GPR158: variants seen among roughly 807,000 people sequenced by gnomAD.
The protein encoded by GPR158 is metabotropic glycine receptor.
GPR158 carries 30 observed loss-of-function variants against 78.2 expected under a neutral mutation model. The ratio of observed to expected loss-of-function variants is 0.38; its 90% CI spans 0.29 to 0.52. The LOEUF (loss-of-function observed/expected upper bound fraction) is 0.52, where lower values mean the gene tolerates loss of function less well. Among genes scored for constraint, GPR158 ranks in the 20% least tolerant of loss-of-function variants. GPR158 has a pLI of 0.83. For synonymous variants in GPR158, 581 were observed against 591.1 expected, an observed-to-expected ratio of 0.98 and a Z score of 0.25; for missense variants, 1,463 against 1,523.5, an observed-to-expected ratio of 0.96 and a Z score of 0.66.
chr10:25,188,578 A>G (rs1429273562), intron 1 of GPR158, among the ~76,000 whole-genome samples: 1 of 152,248 alleles, frequency 6.6e-6, no homozygotes, highest in Non-Finnish European at 1.5e-5. Flanking sequence ...CTGGCTAGCC[A>G]TACATAGAAA....
chr10:25,379,770 G>A (rs1773624), intron 2 of GPR158, among the ~76,000 whole-genome samples: 2 of 151,032 alleles, frequency 1.3e-5, no homozygotes, highest in African/African-American at 4.9e-5. Context: ...CAAAACTTAG[G>A]TGGCATCTCT....
chr10:25,272,572 C>A (rs1854131497), intron 2 of GPR158, among the ~76,000 whole-genome samples: 1 of 152,132 alleles, frequency 6.6e-6, no homozygotes, highest in African/African-American at 2.4e-5. Context: ...GAAATGTCAG[C>A]TTTCTATTTT....
chr10:25,380,145 T>G (rs925786413), intron 2 of GPR158, among the ~76,000 whole-genome samples: 9 of 152,112 alleles, frequency 5.9e-5, no homozygotes, highest in Admixed American at 1.3e-4. Flanking sequence ...TGTGCTAGGA[T>G]TTGGGAACAT....
intron 2 of GPR158, among the ~76,000 whole-genome samples, chr10:25,236,487 G>C (rs1428346625): frequency 1.3e-5 from 2 of 152,100 alleles, no homozygotes; most frequent in Non-Finnish European, 2.9e-5. Context: ...CAGCCTGGGC[G>C]ACAGAGCGAG....
intron 6 of GPR158, among the ~76,000 whole-genome samples, chr10:25,560,564 C>G (rs187307929): frequency 1.2e-4 from 19 of 152,160 alleles, no homozygotes; most frequent in Non-Finnish European, 2.2e-4. Context: ...TGCGCCCATC[C>G]TAAAATATTG....
In GPR158 at chr10:25,490,345, GGTTA is replaced by G. The variant is rs1024069354; in HGVS notation, c.1404+23631_1404+23634del. Among the ~76,000 whole-genome samples the G allele has an allele frequency of 9.5e-5, 14 of 147,736 alleles. 1 individual carries two copies. Among genetic ancestry groups the G allele is most frequent in the African/African-American group, 3.5e-4 (14 of 39,806 alleles). On this transcript the variant is annotated intron_variant, in intron 5 of 10. Coordinates refer to ENST00000376351, the MANE Select transcript of GPR158 (RefSeq NM_020752.3). ...TTAGGGTACATGTGCACATTGTGCA[GGTTA>G]GTTACATATGTATACATGTGCCATG...
At position 25,543,155 on chromosome 10, in the gene GPR158, C is replaced by T. The variant is rs149521824; in HGVS notation, c.1405-7821C>T. Among the ~76,000 whole-genome samples, 79 of 152,242 alleles carry T rather than the reference C, an allele frequency of 5.2e-4. 2 individuals are homozygous for T. In the East Asian group the frequency reaches 0.012, roughly 23 times the overall value. On this transcript the variant is annotated intron_variant, in intron 5 of 10. Transcript: ENST00000376351. The stretch of plus-strand genomic sequence containing the variant: ...TTATTTTTTGAGATGGAATCTCACT[C>T]TGTCACCCAGGCTGGAGTGCAGTGG...
intron 2 of GPR158, among the ~76,000 whole-genome samples, chr10:25,238,055 T>TTTCTCTC (rs1853550453): frequency 6.6e-6 from 1 of 151,630 alleles, no homozygotes; most frequent in African/African-American, 2.4e-5. Flanking sequence ...GTCTTTCTTT[T>TTTCTCTC]CTTTTCTCTC....
chr10:25,513,332 T>C (rs1356067034), intron 5 of GPR158, among the ~76,000 whole-genome samples: 1 of 152,004 alleles, frequency 6.6e-6, no homozygotes, highest in Non-Finnish European at 1.5e-5. Context: ...GCATTCATAG[T>C]AGCCTTGAAT....
At position 25,306,092 on chromosome 10, in the gene GPR158, AACTT is replaced by A. The variant is rs35958679; in HGVS notation, c.1008+84940_1008+84943del. ...ATTTAGTGTACAGTTGTTGGCTCCCAACTTACTTTCTTTGTTCCCTGTTTTTCTC... is the reference window on the plus strand; with the variant it reads ...ATTTAGTGTACAGTTGTTGGCTCCCAACTTTCTTTGTTCCCTGTTTTTCTC... On this transcript the variant is annotated intron_variant, in intron 2 of 10. Coordinates refer to ENST00000376351, the MANE Select transcript of GPR158 (RefSeq NM_020752.3). Among the ~76,000 whole-genome samples, 566 of 152,182 alleles carry A rather than the reference AACTT, an allele frequency of 3.7e-3. 1 individual carries two copies. Among genetic ancestry groups the A allele is most frequent in the Middle Eastern group, 0.031 (9 of 294 alleles).
chr10:25,423,167 G>A (rs1834777162), intron 4 of GPR158, among the ~76,000 whole-genome samples: 1 of 148,516 alleles, frequency 6.7e-6, no homozygotes, highest in African/African-American at 2.5e-5. Flanking sequence ...GTATATATGT[G>A]TGTATATATG....
Position 25,403,038 on chromosome 10 carries a change from A to C in GPR158, c.1111+7025A>C, listed in dbSNP as rs537574218. ...TCTCTTCAGTTTATAGTTTGTAGGC[A>C]AATGTCTGTATATATCATCTTTCTA... On this transcript the variant is annotated intron_variant, in intron 3 of 10. Coordinates refer to ENST00000376351, the MANE Select transcript of GPR158 (RefSeq NM_020752.3). Among the ~76,000 whole-genome samples the C allele has an allele frequency of 5.9e-5, 9 of 151,890 alleles. No homozygotes were observed. In the South Asian group the frequency reaches 1.5e-3, roughly 24 times the overall value.
intron 2 of GPR158, among the ~76,000 whole-genome samples, chr10:25,392,300 T>A (rs1834309962): frequency 6.6e-6 from 1 of 152,178 alleles, no homozygotes; most frequent in Non-Finnish European, 1.5e-5. Context: ...GCACACAGTG[T>A]GTGGACCCCA....
chr10:25,463,730 C>A (rs1835387509), intron 4 of GPR158, among the ~76,000 whole-genome samples: 1 of 152,034 alleles, frequency 6.6e-6, no homozygotes, highest in African/African-American at 2.4e-5. Flanking sequence ...CCCCCATACA[C>A]ACTTAGTGTC....
intron 2 of GPR158, among the ~76,000 whole-genome samples, chr10:25,315,102 A>G (rs1042769490): frequency 2.0e-5 from 3 of 152,024 alleles, no homozygotes; most frequent in East Asian, 3.8e-4. Context: ...AGTGAGTTAT[A>G]TAGCTCATGA....
chr10:25,553,190 G>T (rs911202692), intron 6 of GPR158, among the ~76,000 whole-genome samples: 1 of 152,098 alleles, frequency 6.6e-6, no homozygotes, highest in African/African-American at 2.4e-5. Context: ...TTGACTTAAA[G>T]AAATTATTAG....
At chr10:25,523,724 A>G (rs1298731203) in intron 5 of GPR158, among the ~76,000 whole-genome samples, 1 of 152,232 alleles carries the variant, frequency 6.6e-6, no homozygotes, top group Non-Finnish European at 1.5e-5. Flanking sequence ...AACTAGACCT[A>G]GCAGACATCT....
chr10:25,341,070 CA>C (rs2130506305), intron 2 of GPR158, among the ~76,000 whole-genome samples: 1 of 151,766 alleles, frequency 6.6e-6, no homozygotes, highest in African/African-American at 2.4e-5. Flanking sequence ...TTCAAAATGC[CA>C]AAAGAAAATA....
At chr10:25,567,250 G>A (rs764724198) in intron 6 of GPR158, among the ~76,000 whole-genome samples, 15 of 152,188 alleles carry the variant, frequency 9.9e-5, no homozygotes, top group African/African-American at 1.9e-4. Flanking sequence ...TAATAAAAAC[G>A]GAAAAATCTA....
Sources: allele counts gnomAD v4.1 joint callset (sites outside exome capture counted in the v4.1 genomes callset), GRCh38; gene constraint gnomAD v4.1.1; transcripts MANE v1.5; gene names NCBI Gene and HGNC (gene_info 2026-07-23, HGNC 2026-07-21).